The following THSD7B variants were observed in gnomAD, a reference collection of about 807,000 sequenced individuals.
THSD7B encodes thrombospondin type-1 domain-containing protein 7B.
In THSD7B, 138 loss-of-function variants were observed where a neutral mutation model predicts 213.6. The observed-to-expected ratio is 0.65, with a 90% confidence interval of 0.56 to 0.74. The LOEUF (loss-of-function observed/expected upper bound fraction) is 0.74, where lower values mean the gene tolerates loss of function less well. THSD7B is among the 30% of genes least tolerant of loss of function. THSD7B has a pLI of 0.00. For synonymous variants in THSD7B, 742 were observed against 687.0 expected (o/e 1.08, Z -1.25); for missense variants, 1,931 against 1,991.5 (o/e 0.97, Z 0.58).
In THSD7B at chr2:137,656,776, T is replaced by C; in HGVS notation, c.4106-20T>C. On this transcript the variant is annotated intron_variant, in intron 22 of 27. Transcript: ENST00000409968. ...ACTTTTCATGCTGTTTTCTCCACCC[T>C]GTACTGCATGACTGTCCAGGAGACT... is the stretch of plus-strand genomic sequence containing the variant. The C allele has an allele frequency of 6.2e-7, 1 of 1,610,086 alleles. No homozygotes were observed. Among genetic ancestry groups the C allele is most frequent in the Non-Finnish European group, 8.5e-7 (1 of 1,177,576 alleles).
chr2:137,413,702 A>C lies in THSD7B; in HGVS notation c.2959+1830A>C, dbSNP rs1051806577. Among the ~76,000 whole-genome samples, 24 of 152,176 alleles carry C rather than the reference A, an allele frequency of 1.6e-4. 1 individual carries two copies. The highest frequency in any genetic ancestry group is 8.5e-4 in the Admixed American group (13 of 15,276). ...GAGCTGTGTGAAGTGAAGTTGAAGAAGTATGTGGAATCTTGTGAGACAAGC... is the reference window on the plus strand; with the variant it reads ...GAGCTGTGTGAAGTGAAGTTGAAGACGTATGTGGAATCTTGTGAGACAAGC... On this transcript the variant is annotated intron_variant, in intron 14 of 27. Transcript: ENST00000409968.
intron 15 of THSD7B, among the ~76,000 whole-genome samples, chr2:137,455,422 T>C (rs1371242643): frequency 6.6e-6 from 1 of 152,180 alleles, no homozygotes; most frequent in Non-Finnish European, 1.5e-5. Context: ...TCATTCCCCA[T>C]TGCAATCTAA....
At chr2:137,222,135 TATAA>T (rs1242364085) in intron 7 of THSD7B, among the ~76,000 whole-genome samples, 1 of 152,234 alleles carries the variant, frequency 6.6e-6, no homozygotes, top group Non-Finnish European at 1.5e-5. Flanking sequence ...CCACATTATG[TATAA>T]ATAGTGTTTG....
At chr2:137,664,825 A>C (rs1462566108) in intron 26 of THSD7B, among the ~76,000 whole-genome samples, 1 of 152,208 alleles carries the variant, frequency 6.6e-6, no homozygotes, top group East Asian at 1.9e-4. Flanking sequence ...TTCTTTCGGA[A>C]ACAAAATGCT....
intron 12 of THSD7B, among the ~76,000 whole-genome samples, chr2:137,392,414 T>C (rs1372661213): frequency 2.0e-5 from 3 of 152,326 alleles, no homozygotes; most frequent in South Asian, 4.1e-4. Flanking sequence ...ATTTATTTTA[T>C]GAATCTGGGT....
intron 2 of THSD7B, among the ~76,000 whole-genome samples, chr2:136,894,441 C>A (rs1683917703): frequency 6.6e-6 from 1 of 152,174 alleles, no homozygotes; most frequent in Admixed American, 6.5e-5. Flanking sequence ...CTAAGCCATG[C>A]TGTGTGTGAC....
At chr2:136,797,190 T>C (rs749210016) in intron 1 of THSD7B, among the ~76,000 whole-genome samples, 1 of 151,958 alleles carries the variant, frequency 6.6e-6, no homozygotes, top group African/African-American at 2.4e-5. Flanking sequence ...GAACAAGTTA[T>C]TGAGAGTGGG....
chr2:137,163,484 G>A (rs374063107), intron 6 of THSD7B, among the ~76,000 whole-genome samples: 1 of 152,136 alleles, frequency 6.6e-6, no homozygotes, highest in East Asian at 1.9e-4. Flanking sequence ...CAGAAGAAGA[G>A]AGGCCACATG....
intron 15 of THSD7B, among the ~76,000 whole-genome samples, chr2:137,540,180 C>CA (rs1205731087): frequency 6.6e-6 from 1 of 151,600 alleles, no homozygotes; most frequent in Non-Finnish European, 1.5e-5. Flanking sequence ...CATGAATGAG[C>CA]ATGGCTGTGA....
chr2:137,459,251 A>G (rs1344495931), intron 15 of THSD7B, among the ~76,000 whole-genome samples: 3 of 152,204 alleles, frequency 2.0e-5, no homozygotes, highest in Non-Finnish European at 4.4e-5. Flanking sequence ...TAGATTTTTT[A>G]AAGCTTTATT....
intron 1 of THSD7B, among the ~76,000 whole-genome samples, chr2:136,854,162 C>T (rs1421988679): frequency 1.3e-5 from 2 of 151,788 alleles, no homozygotes; most frequent in South Asian, 2.1e-4. Context: ...CTTCTAGGCC[C>T]TCTTAGGAAA....
intron 19 of THSD7B, among the ~76,000 whole-genome samples, chr2:137,619,070 T>G (rs1682464454): frequency 6.6e-6 from 1 of 152,188 alleles, no homozygotes; most frequent in South Asian, 2.1e-4. Flanking sequence ...TGTTCCAAAC[T>G]ATATGGAGTT....
chr2:137,357,824 A>G (rs1685168366), intron 12 of THSD7B, among the ~76,000 whole-genome samples: 1 of 152,156 alleles, frequency 6.6e-6, no homozygotes, highest in Admixed American at 6.5e-5. Flanking sequence ...TGTGATTGTA[A>G]CCATGAGGAA....
chr2:137,272,598 G>T lies in THSD7B; in HGVS notation c.2332G>T (p.Glu778Ter). ...CCAAGAAGCAGCCAATGGAGGCCAG[G>T]AATGCCCAGATACCTTATATGAGGA... ...IIQEAANGGQ[E>*]CPDTLYEERE... Residue 778 changes from glutamate (E) to a stop codon, truncating the protein, a stop_gained, in exon 11 of 28, where the codon GAA becomes TAA. Transcript: ENST00000409968. LOFTEE classifies it high-confidence loss of function. 2 of 1,612,234 alleles carry T rather than the reference G, an allele frequency of 1.2e-6. No homozygotes were observed. The highest frequency in any genetic ancestry group is 1.7e-6 in the Non-Finnish European group (2 of 1,179,054).
intron 15 of THSD7B, among the ~76,000 whole-genome samples, chr2:137,512,402 T>A (rs939074172): frequency 1.4e-4 from 14 of 103,412 alleles, no homozygotes; most frequent in Middle Eastern, 4.8e-3. Context: ...TTTTTTTTTT[T>A]TTTTTTTGAG....
chr2:137,203,839 T>C (rs1254051733), intron 7 of THSD7B, among the ~76,000 whole-genome samples: 2 of 152,182 alleles, frequency 1.3e-5, no homozygotes, highest in East Asian at 3.9e-4. Flanking sequence ...TAGAAAAGTA[T>C]CATGACACAC....
intron 2 of THSD7B, chr2:136,990,927 C>A (rs1309565669): frequency 3.0e-6 from 4 of 1,347,438 alleles, no homozygotes; most frequent in Admixed American, 4.0e-5. Flanking sequence ...TTTTGTATCA[C>A]AAATTAGCAG....
chr2:137,500,689 G>A (rs1467263959), intron 15 of THSD7B, among the ~76,000 whole-genome samples: 1 of 152,186 alleles, frequency 6.6e-6, no homozygotes, highest in Non-Finnish European at 1.5e-5. Context: ...AATGATATGT[G>A]TGTAGCTCCT....
chr2:137,546,407 T>TA (rs1680720247), intron 15 of THSD7B, among the ~76,000 whole-genome samples: 5 of 30,084 alleles, frequency 1.7e-4, no homozygotes, highest in East Asian at 1.9e-3. Flanking sequence ...ATATATATTA[T>TA]ATATATATTA....
Sources: gnomAD v4.1 joint callset for allele counts (sites outside exome capture counted in the v4.1 genomes callset) on GRCh38, gnomAD v4.1.1 for gene constraint, MANE v1.5 for transcripts, NCBI Gene and HGNC (gene_info 2026-07-23, HGNC 2026-07-21) for gene names.